TSHZ2: variants seen among roughly 807,000 people sequenced by gnomAD.
TSHZ2 encodes the protein teashirt zinc finger homeobox 2.
In TSHZ2, 21 loss-of-function variants were observed where a neutral mutation model predicts 74.4. The observed-to-expected ratio is 0.28, with a 90% CI of 0.20 to 0.41. The LOEUF (loss-of-function observed/expected upper bound fraction) is 0.41. TSHZ2 is among the 10% of genes least tolerant of loss of function. The pLI, the probability that TSHZ2 is intolerant of heterozygous loss-of-function variation, is 1.00. For synonymous variants in TSHZ2, 540 were observed against 515.3 expected (o/e 1.05, Z -0.65); for missense variants, 1,244 against 1,293.5 (o/e 0.96, Z 0.59).
intron 1 of TSHZ2, among the ~76,000 whole-genome samples, chr20:53,021,567 T>C (rs1411565464): frequency 6.6e-6 from 1 of 152,234 alleles, no homozygotes; most frequent in Non-Finnish European, 1.5e-5. Context: ...AGAAAAAGCA[T>C]TTCTTCCAAT....
intron 1 of TSHZ2, among the ~76,000 whole-genome samples, chr20:53,166,929 C>A (rs1018847571): frequency 1.3e-5 from 2 of 151,830 alleles, no homozygotes; most frequent in Admixed American, 6.6e-5. Flanking sequence ...ATTAAAAAAA[C>A]CTGATAATGT....
At chr20:53,420,568 T>C (rs1225240362) in intron 2 of TSHZ2, among the ~76,000 whole-genome samples, 1 of 151,848 alleles carries the variant, frequency 6.6e-6, no homozygotes, top group African/African-American at 2.4e-5. Context: ...CTACTAAAAA[T>C]ACAAAAAATT....
intron 2 of TSHZ2, among the ~76,000 whole-genome samples, chr20:53,268,284 C>T (rs1276864714): frequency 1.3e-5 from 2 of 152,152 alleles, no homozygotes; most frequent in Non-Finnish European, 2.9e-5. Context: ...ACTTACTATT[C>T]ATTTCGTGTC....
At chr20:53,107,720 G>T (rs1036916076) in intron 1 of TSHZ2, among the ~76,000 whole-genome samples, 2 of 152,170 alleles carry the variant, frequency 1.3e-5, no homozygotes, top group Non-Finnish European at 2.9e-5. Context: ...ACAGGTCATG[G>T]GTGGGAGACC....
At chr20:53,065,113 C>T (rs1984938800) in intron 1 of TSHZ2, among the ~76,000 whole-genome samples, 1 of 152,228 alleles carries the variant, frequency 6.6e-6, no homozygotes, top group African/African-American at 2.4e-5. Flanking sequence ...CACTGCGCCT[C>T]ATTCGCCTCG....
chr20:53,228,971 G>C (rs1390200185), intron 1 of TSHZ2, among the ~76,000 whole-genome samples: 1 of 152,174 alleles, frequency 6.6e-6, no homozygotes, highest in Non-Finnish European at 1.5e-5. Flanking sequence ...TGTCTCACAC[G>C]ATCATTCTTC....
At chr20:53,084,209 T>A (rs1985622066) in intron 1 of TSHZ2, among the ~76,000 whole-genome samples, 1 of 152,204 alleles carries the variant, frequency 6.6e-6, no homozygotes, top group Non-Finnish European at 1.5e-5. Flanking sequence ...TAATTTCAGG[T>A]CCTGGAATCA....
intron 2 of TSHZ2, among the ~76,000 whole-genome samples, chr20:53,450,325 G>T (rs984557514): frequency 6.6e-6 from 1 of 151,646 alleles, no homozygotes; most frequent in African/African-American, 2.4e-5. Flanking sequence ...AAGAATATGT[G>T]TAAAGCATTT....
At position 53,045,265 on chromosome 20, in the gene TSHZ2, T is replaced by G. The variant is rs78258106; in HGVS notation, c.40+71932T>G. On this transcript the variant is annotated intron_variant, in intron 1 of 2. Transcript: ENST00000371497. ...TGACTCTCACAGTGACGTCCTCACT[T>G]CTGGTCACATTTCTCTCAACCTTCC... Among the ~76,000 whole-genome samples, 1,389 of 152,268 alleles carry G rather than the reference T, an allele frequency of 9.1e-3. 23 individuals carry two copies. Among genetic ancestry groups the G allele is most frequent in the African/African-American group, 0.032 (1,318 of 41,552 alleles).
chr20:53,185,407 G>T, intron 1 of TSHZ2: 2 of 1,286,078 alleles, frequency 1.6e-6, no homozygotes, highest in Non-Finnish European at 9.9e-7. Context: ...AGGCGAGGTG[G>T]TTCAAGCCTG....
At chr20:53,167,562 CTTGT>C (rs775505474) in intron 1 of TSHZ2, among the ~76,000 whole-genome samples, 5 of 151,664 alleles carry the variant, frequency 3.3e-5, no homozygotes, top group Non-Finnish European at 7.4e-5. Flanking sequence ...TGTTTGCTTG[CTTGT>C]TTGTGTGTGT....
chr20:53,428,132 G>T (rs1175682074), intron 2 of TSHZ2, among the ~76,000 whole-genome samples: 1 of 152,164 alleles, frequency 6.6e-6, no homozygotes, highest in Non-Finnish European at 1.5e-5. Context: ...TCTCTGTGGG[G>T]GCATGATGTG....
At chr20:53,307,761 G>A (rs1269370980) in intron 2 of TSHZ2, among the ~76,000 whole-genome samples, 1 of 152,138 alleles carries the variant, frequency 6.6e-6, no homozygotes. Flanking sequence ...CCAGCCCTTG[G>A]GAAATTCCAT....
At chr20:52,985,640 ATGT>A (rs1981726345) in intron 1 of TSHZ2, among the ~76,000 whole-genome samples, 1 of 152,238 alleles carries the variant, frequency 6.6e-6, no homozygotes, top group Non-Finnish European at 1.5e-5. Context: ...TGAAGGGCAG[ATGT>A]TGTGTCTCAT....
intron 2 of TSHZ2, among the ~76,000 whole-genome samples, chr20:53,438,115 C>CT (rs35641577): frequency 0.19 from 25,143 of 133,474 alleles, 2,375 homozygotes; most frequent in East Asian, 0.33. Flanking sequence ...TTTTTTTTTT[C>CT]TTTTTTTTTT....
At chr20:53,366,854 G>A (rs1981280836) in intron 2 of TSHZ2, among the ~76,000 whole-genome samples, 1 of 152,114 alleles carries the variant, frequency 6.6e-6, no homozygotes, top group South Asian at 2.1e-4. Flanking sequence ...CTGACTCTAT[G>A]CGAGGCAATT....
chr20:53,424,879 T>C (rs375993681), intron 2 of TSHZ2, among the ~76,000 whole-genome samples: 3 of 152,220 alleles, frequency 2.0e-5, no homozygotes, highest in African/African-American at 7.2e-5. Context: ...TCCATGTCCC[T>C]GGAAAGGACA....
intron 1 of TSHZ2, among the ~76,000 whole-genome samples, chr20:53,194,664 C>A (rs1009770290): frequency 2.8e-4 from 42 of 152,314 alleles, no homozygotes; most frequent in African/African-American, 8.7e-4. Context: ...TTGATAGGGA[C>A]TCATTAAGTC....
rs917839748 is a variant in TSHZ2, at chr20:53,074,446, T to A, written c.40+101113T>A. Among the ~76,000 whole-genome samples, 1 of 152,204 alleles carries A rather than the reference T, an allele frequency of 6.6e-6. No individual in the cohort carries two copies. Among genetic ancestry groups the A allele is most frequent in the African/African-American group, 2.4e-5 (1 of 41,454 alleles). ...GGCCAGAATACAAGTCAGAATGAGA[T>A]GGATGCAGTACGAAGTGTAGAAATC... On this transcript the variant is annotated intron_variant, in intron 1 of 2. Coordinates refer to ENST00000371497, the MANE Select transcript of TSHZ2 (RefSeq NM_173485.6). The surrounding 1 kb of genome is among the most constrained non-coding windows in gnomAD (Gnocchi z 5.9).
Sources: gnomAD v4.1 joint callset for allele counts (sites outside exome capture counted in the v4.1 genomes callset) on GRCh38, gnomAD v4.1.1 for gene constraint, Gnocchi (gnomAD v3.1) non-coding constraint, MANE v1.5 for transcripts, NCBI Gene and HGNC (gene_info 2026-07-23, HGNC 2026-07-21) for gene names.